CDKAL1: variants seen among roughly 807,000 people sequenced by gnomAD.
The protein encoded by CDKAL1 is CDKAL1 threonylcarbamoyladenosine tRNA methylthiotransferase, also known as threonylcarbamoyladenosine tRNA methylthiotransferase.
CDKAL1 carries 32 observed loss-of-function variants against 68.2 expected under a neutral mutation model. The observed-to-expected ratio is 0.47, with a 90% CI of 0.35 to 0.63. The LOEUF (loss-of-function observed/expected upper bound fraction) is 0.63, where lower values mean the gene tolerates loss of function less well. CDKAL1 is among the 30% of genes least tolerant of loss of function. The probability of loss-of-function intolerance (pLI) is 0.00; values close to 1 mark genes in which losing one functional copy is unlikely to be tolerated. For missense variants in CDKAL1, 606 were observed against 696.7 expected (o/e 0.87, Z 1.47); for synonymous variants, 234 against 244.3 (o/e 0.96, Z 0.39).
At chr6:20,831,178 G>A (rs1777703093) in intron 8 of CDKAL1, among the ~76,000 whole-genome samples, 1 of 152,012 alleles carries the variant, frequency 6.6e-6, no homozygotes, top group African/African-American at 2.4e-5. Flanking sequence ...TTTTGCCAAC[G>A]AGAAGTGTGT....
chr6:20,709,212 C>T (rs1010327714), intron 5 of CDKAL1, among the ~76,000 whole-genome samples: 1 of 152,056 alleles, frequency 6.6e-6, no homozygotes. Context: ...TTCCTTTGCT[C>T]TACAGCACAC....
In CDKAL1 at chr6:20,800,028, C is replaced by G. The variant is rs1212742437; in HGVS notation, c.638+18763C>G. On this transcript the variant is annotated intron_variant, in intron 8 of 15. Transcript: ENST00000274695. Reference sequence around the variant, plus strand: ...TATTTGGAAGAATTGCAAATCCCCCCTTTGCAGGGCTGCCTATGAAAATCT... The same window carrying G: ...TATTTGGAAGAATTGCAAATCCCCCGTTTGCAGGGCTGCCTATGAAAATCT... 2.0e-5 allele frequency among the ~76,000 whole-genome samples: 3 copies of G among 152,356 alleles called. No homozygotes were observed. In the East Asian group the frequency reaches 5.8e-4, roughly 29 times the overall value.
intron 7 of CDKAL1, among the ~76,000 whole-genome samples, chr6:20,761,126 A>G (rs908674197): frequency 6.6e-6 from 1 of 152,242 alleles, no homozygotes; most frequent in African/African-American, 2.4e-5. Flanking sequence ...ACTAAAGAAG[A>G]TATGCAAATG....
chr6:21,066,183 ATTAG>A (rs1279241074), intron 12 of CDKAL1, among the ~76,000 whole-genome samples: 1 of 152,154 alleles, frequency 6.6e-6, no homozygotes, highest in Non-Finnish European at 1.5e-5. Flanking sequence ...ATAGATGTAT[ATTAG>A]TTAAAGTCTG....
chr6:20,995,924 C>T lies in CDKAL1; in HGVS notation c.910-4303C>T, dbSNP rs370220974. 3.9e-5 allele frequency among the ~76,000 whole-genome samples: 6 copies of T among 152,204 alleles called. No homozygotes were observed. In the East Asian group the frequency reaches 9.6e-4, roughly 24 times the overall value. ...CTGTTTTGTCTACATTGAAAATCTG[C>T]GGTGTGCCATAGCCATCTTCATCAG... On this transcript the variant is annotated intron_variant, in intron 10 of 15. Transcript: ENST00000274695.
chr6:20,772,969 G>A (rs1177861783), intron 7 of CDKAL1: 1 of 152,098 alleles, frequency 6.6e-6, no homozygotes, highest in East Asian at 1.9e-4. Context: ...TTTGAGTTCT[G>A]TCTTTTTGGA....
At chr6:21,226,812 A>T (rs1316090943) in intron 15 of CDKAL1, among the ~76,000 whole-genome samples, 1 of 152,198 alleles carries the variant, frequency 6.6e-6, no homozygotes, top group Non-Finnish European at 1.5e-5. Context: ...TCCTGGGTTC[A>T]CACCATTCTC....
rs1034810322 is a variant in CDKAL1, at chr6:20,649,458, A to G, written c.371+81A>G. The G allele has an allele frequency of 1.1e-5, 8 of 749,328 alleles. No homozygotes were observed. The African/African-American group carries it at 1.5e-4, about 14-fold the overall frequency. The allele number at this position is 749,328 out of a possible 1,614,324, so 46.4% of individuals were successfully genotyped here. A position where few individuals can be genotyped will look rare whatever the true frequency, so the allele number is the denominator to read the frequency against. On this transcript the variant is annotated intron_variant, in intron 5 of 15. Transcript: ENST00000274695. ...AAAAGATTAGCTTTTTAAAAATGTC[A>G]ATATAGATATTTAGTTTATATTAAA...
At chr6:20,555,018 T>C (rs2127662385) in intron 4 of CDKAL1, among the ~76,000 whole-genome samples, 1 of 152,342 alleles carries the variant, frequency 6.6e-6, no homozygotes, top group Non-Finnish European at 1.5e-5. Context: ...ATTTAAAAAT[T>C]GCTGAGCTGT....
intron 6 of CDKAL1, among the ~76,000 whole-genome samples, chr6:20,746,964 C>T (rs1242045956): frequency 6.6e-6 from 1 of 152,152 alleles, no homozygotes; most frequent in Non-Finnish European, 1.5e-5. Context: ...ATAACTGCAA[C>T]TTTGTACCCT....
intron 4 of CDKAL1, among the ~76,000 whole-genome samples, chr6:20,616,925 A>G (rs761518063): frequency 3.1e-4 from 47 of 149,672 alleles, no homozygotes; most frequent in Non-Finnish European, 6.2e-4. Context: ...CTGTAGTTTT[A>G]GTTACTTTAG....
chr6:20,712,028 G>A (rs938555564), intron 5 of CDKAL1, among the ~76,000 whole-genome samples: 7 of 152,138 alleles, frequency 4.6e-5, no homozygotes, highest in Admixed American at 2.6e-4. Context: ...ATTTGGGGGT[G>A]GGGAGGCTCT....
chr6:20,722,990 C>CTATCCTTCACCT (rs1399059662), intron 5 of CDKAL1, among the ~76,000 whole-genome samples: 1 of 152,104 alleles, frequency 6.6e-6, no homozygotes, highest in Non-Finnish European at 1.5e-5. Context: ...CCATCTTCAC[C>CTATCCTTCACCT]ATCCTTCAGC....
intron 5 of CDKAL1, among the ~76,000 whole-genome samples, chr6:20,693,874 A>G (rs1414737357): frequency 1.3e-5 from 2 of 148,238 alleles, no homozygotes; most frequent in African/African-American, 5.1e-5. Flanking sequence ...CTTGCCAGCT[A>G]CTTTTTTTTT....
chr6:20,609,300 C>T (rs13206483), intron 4 of CDKAL1, among the ~76,000 whole-genome samples: 2 of 144,898 alleles, frequency 1.4e-5, no homozygotes, highest in African/African-American at 5.2e-5. Context: ...TTCTCCTTCT[C>T]CTCCTCCTCC....
At chr6:20,752,762 G>C (rs1339683209) in intron 6 of CDKAL1, among the ~76,000 whole-genome samples, 3 of 152,028 alleles carry the variant, frequency 2.0e-5, no homozygotes, top group Non-Finnish European at 2.9e-5. Context: ...AATCACTATA[G>C]TACAATTATC....
intron 7 of CDKAL1, among the ~76,000 whole-genome samples, chr6:20,767,831 G>A (rs1774767400): frequency 6.6e-6 from 1 of 152,158 alleles, no homozygotes; most frequent in Admixed American, 6.5e-5. Context: ...CAGCAGAGAT[G>A]TAGCAATTAC....
intron 13 of CDKAL1, among the ~76,000 whole-genome samples, chr6:21,129,032 C>T (rs1254746431): frequency 6.6e-6 from 1 of 152,036 alleles, no homozygotes; most frequent in Admixed American, 6.6e-5. Flanking sequence ...GCTTTTTTGT[C>T]TCTAAAATGG....
At chr6:20,990,763 T>C (rs1160593474) in intron 10 of CDKAL1, among the ~76,000 whole-genome samples, 3 of 152,234 alleles carry the variant, frequency 2.0e-5, no homozygotes, top group Non-Finnish European at 4.4e-5. Flanking sequence ...ATGAAATATG[T>C]TTCTGGTCTT....
Sources: gnomAD v4.1 joint callset for allele counts (sites outside exome capture counted in the v4.1 genomes callset) on GRCh38, gnomAD v4.1.1 for gene constraint, MANE v1.5 for transcripts, NCBI Gene and HGNC (gene_info 2026-07-23, HGNC 2026-07-21) for gene names.